ASTN2: variants seen among roughly 807,000 people sequenced by gnomAD.
The protein encoded by ASTN2 is astrotactin 2.
ASTN2 carries 54 observed loss-of-function variants against 139.8 expected under a neutral mutation model. The observed-to-expected ratio is 0.39, with a 90% CI of 0.31 to 0.48. ASTN2 has a LOEUF of 0.48. Among genes scored for constraint, ASTN2 ranks in the 20% least tolerant of loss-of-function variants. The pLI is 0.95. For missense variants in ASTN2, 1,565 were observed against 1,725.1 expected (o/e 0.91, Z 1.64); for synonymous variants, 756 against 719.5 (o/e 1.05, Z -0.81).
intron 16 of ASTN2, chr9:116,686,725 A>G (rs1420600166): frequency 6.4e-7 from 1 of 1,550,554 alleles, no homozygotes; most frequent in Admixed American, 2.0e-5. Context: ...GGGGCTGCAG[A>G]GTGTACTCCC....
intron 1 of ASTN2, among the ~76,000 whole-genome samples, chr9:117,338,766 A>G (rs566067955): frequency 2.0e-5 from 3 of 150,120 alleles, no homozygotes; most frequent in South Asian, 4.2e-4. Context: ...TTTTTTTGCC[A>G]TTATCTTTAA....
At chr9:116,754,474 T>A (rs987740758) in intron 13 of ASTN2, among the ~76,000 whole-genome samples, 1 of 152,240 alleles carries the variant, frequency 6.6e-6, no homozygotes, top group East Asian at 1.9e-4. Flanking sequence ...CAGCATCTGC[T>A]GTTTCCTGTC....
intron 3 of ASTN2, among the ~76,000 whole-genome samples, chr9:117,179,347 G>A (rs916519420): frequency 1.4e-4 from 22 of 152,108 alleles, no homozygotes; most frequent in African/African-American, 4.8e-4. Context: ...ATATATGTGT[G>A]TGTGTGTATG....
At chr9:116,895,212 A>T (rs994639382) in intron 10 of ASTN2, among the ~76,000 whole-genome samples, 1 of 152,188 alleles carries the variant, frequency 6.6e-6, no homozygotes, top group African/African-American at 2.4e-5. Flanking sequence ...AATGCACAGG[A>T]TTGTTAAAAC....
At chr9:116,835,295 C>T (rs1208445005) in intron 11 of ASTN2, among the ~76,000 whole-genome samples, 1 of 152,110 alleles carries the variant, frequency 6.6e-6, no homozygotes, top group Non-Finnish European at 1.5e-5. Flanking sequence ...CAATCTGGCT[C>T]TGGCATAACA....
chr9:116,829,633 T>C (rs889274558), intron 11 of ASTN2, among the ~76,000 whole-genome samples: 2 of 152,118 alleles, frequency 1.3e-5, no homozygotes, highest in South Asian at 4.1e-4. Context: ...TGTTACACAC[T>C]TTCAAACAAC....
At chr9:116,838,789 C>T (rs1156782530) in intron 11 of ASTN2, among the ~76,000 whole-genome samples, 1 of 152,156 alleles carries the variant, frequency 6.6e-6, no homozygotes, top group Non-Finnish European at 1.5e-5. Flanking sequence ...GAGCCTCAGT[C>T]TCCTTCAATG....
intron 11 of ASTN2, among the ~76,000 whole-genome samples, chr9:116,859,640 C>T (rs371474955): frequency 6.6e-6 from 1 of 152,204 alleles, no homozygotes; most frequent in Non-Finnish European, 1.5e-5. Context: ...CTAGAAAATG[C>T]TAATGAGTGT....
intron 3 of ASTN2, among the ~76,000 whole-genome samples, chr9:117,167,514 G>T (rs576188862): frequency 6.6e-6 from 1 of 151,950 alleles, no homozygotes; most frequent in Middle Eastern, 3.2e-3. Context: ...TACAACAAAC[G>T]CTCAAAATAC....
chr9:116,783,800 T>C (rs1256236809), intron 13 of ASTN2, among the ~76,000 whole-genome samples: 1 of 152,140 alleles, frequency 6.6e-6, no homozygotes, highest in African/African-American at 2.4e-5. Flanking sequence ...TCCTAATACA[T>C]GAGCACAGAA....
chr9:116,657,675 G>A (rs185778794), intron 16 of ASTN2, among the ~76,000 whole-genome samples: 31 of 152,192 alleles, frequency 2.0e-4, no homozygotes, highest in African/African-American at 5.5e-4. Flanking sequence ...ACCCCATGCC[G>A]ATGAAAAACA....
chr9:117,160,865 T>A (rs1415309029), intron 3 of ASTN2, among the ~76,000 whole-genome samples: 1 of 151,944 alleles, frequency 6.6e-6, no homozygotes, highest in African/African-American at 2.4e-5. Flanking sequence ...AGAGACACAG[T>A]GGGATGATGA....
intron 10 of ASTN2, among the ~76,000 whole-genome samples, chr9:116,865,341 C>G (rs10817945): frequency 0.4 from 57,462 of 144,206 alleles, 11,850 homozygotes; most frequent in African/African-American, 0.56. Flanking sequence ...TTTAGAGGAG[C>G]CTGCCTGTGG....
At chr9:117,123,818 G>A (rs1012703481) in intron 4 of ASTN2, among the ~76,000 whole-genome samples, 2 of 151,994 alleles carry the variant, frequency 1.3e-5, no homozygotes, top group Non-Finnish European at 1.5e-5. Flanking sequence ...GTTTAAATTC[G>A]GACTTGGACT....
chr9:117,244,906 T>A (rs566122778), intron 2 of ASTN2, among the ~76,000 whole-genome samples: 3 of 152,220 alleles, frequency 2.0e-5, no homozygotes, highest in African/African-American at 7.2e-5. Context: ...AAAATAAATT[T>A]CATTTTGTTT....
chr9:117,036,000 A>G (rs769268421), intron 6 of ASTN2, among the ~76,000 whole-genome samples: 3 of 152,220 alleles, frequency 2.0e-5, no homozygotes, highest in Non-Finnish European at 1.5e-5. Flanking sequence ...TAATAAGAGT[A>G]ATAACAGCTA....
chr9:116,904,912 T>A (rs1474492515), intron 10 of ASTN2, among the ~76,000 whole-genome samples: 1 of 152,174 alleles, frequency 6.6e-6, no homozygotes, highest in South Asian at 2.1e-4. Context: ...CAGCCATTTG[T>A]GACTATGAGG....
At chr9:116,990,264 T>TTTTG (rs1199728064) in intron 7 of ASTN2, among the ~76,000 whole-genome samples, 1 of 152,212 alleles carries the variant, frequency 6.6e-6, no homozygotes, top group Non-Finnish European at 1.5e-5. Flanking sequence ...TTAAAAGTTC[T>TTTTG]TTTGTTTGTT....
At chr9:117,274,918 TGA>T (rs1834150149) in intron 2 of ASTN2, among the ~76,000 whole-genome samples, 1 of 152,216 alleles carries the variant, frequency 6.6e-6, no homozygotes, top group Non-Finnish European at 1.5e-5. Context: ...CGTTAGGGGT[TGA>T]GCTTCTTAAT....
Sources: gnomAD v4.1 joint callset for allele counts (sites outside exome capture counted in the v4.1 genomes callset) on GRCh38, gnomAD v4.1.1 for gene constraint, MANE v1.5 for transcripts, NCBI Gene and HGNC (gene_info 2026-07-23, HGNC 2026-07-21) for gene names.